HAVCR1: variants seen among roughly 807,000 people sequenced by gnomAD.
The protein encoded by HAVCR1 is hepatitis A virus cellular receptor 1.
Under a neutral mutation model 32.0 loss-of-function variants are expected in HAVCR1, and 34 were observed. That is an observed-to-expected ratio of 1.06 (90% CI 0.81 to 1.42). The LOEUF (loss-of-function observed/expected upper bound fraction) is 1.42. HAVCR1 is among the 40% of genes most tolerant of loss of function. The pLI is 0.00. For missense variants in HAVCR1, 420 were observed against 442.3 expected (o/e 0.95, Z 0.45); for synonymous variants, 178 against 170.3 (o/e 1.05, Z -0.35).
chr5:157,040,110 C>T (rs80018417), intron 6 of HAVCR1, among the ~76,000 whole-genome samples: 1 of 152,118 alleles, frequency 6.6e-6, no homozygotes, highest in Non-Finnish European at 1.5e-5. Flanking sequence ...ACCAGCCTGA[C>T]CAACATGGAA....
chr5:157,066,055 T>TAAAAAA, the HAVCR1 span, among the ~76,000 whole-genome samples: 1,005 of 66,788 alleles, frequency 0.015, 40 homozygotes, highest in African/African-American at 0.02. Context: ...GACTCCGTCT[T>TAAAAAA]AAAAAAAAAA....
chr5:157,042,830 A>G, intron 5 of HAVCR1, 148 bp from the exon 6 acceptor site: 1 of 534,968 alleles, frequency 1.9e-6, no homozygotes, highest in East Asian at 3.1e-5. Flanking sequence ...AGTCATACCA[A>G]GTTATTAATG....
intron 3 of HAVCR1, among the ~76,000 whole-genome samples, chr5:157,053,426 C>T (rs1235344197): frequency 6.6e-6 from 1 of 150,386 alleles, no homozygotes. Context: ...CTTGCTCACC[C>T]TTATAAGGGA....
At chr5:157,030,015 G>A (rs1271635559) in intron 8 of HAVCR1, among the ~76,000 whole-genome samples, 174 bp from the exon 9 acceptor site, 1 of 152,004 alleles carries the variant, frequency 6.6e-6, no homozygotes, top group Non-Finnish European at 1.5e-5. Flanking sequence ...AAAAGGTGTG[G>A]CTCTTATTAT....
chr5:157,038,680 T>C (rs1469520802), intron 6 of HAVCR1, among the ~76,000 whole-genome samples: 1 of 152,218 alleles, frequency 6.6e-6, no homozygotes, highest in Non-Finnish European at 1.5e-5. Context: ...TATGTTGTTA[T>C]TACTTTACCT....
chr5:157,056,392 T>G (rs1205361657), intron 2 of HAVCR1, among the ~76,000 whole-genome samples: 1 of 151,804 alleles, frequency 6.6e-6, no homozygotes, highest in Non-Finnish European at 1.5e-5. Context: ...CTTCTTTTTT[T>G]TTTTTGAGAC....
In HAVCR1 at chr5:157,036,898, GT is replaced by G. The variant is rs151088275; in HGVS notation, c.952+348del. On this transcript the variant is annotated intron_variant, in intron 7 of 8. Coordinates refer to ENST00000523175, the MANE Select transcript of HAVCR1 (RefSeq NM_001173393.3). ...TGTTTTGCTTTTTTGTTTTGTTTTT[GT>G]TTTTTTTTAAGAAATGGGGTCCCAC... 5.4e-3 allele frequency among the ~76,000 whole-genome samples: 780 copies of G among 145,402 alleles called. 8 individuals are homozygous for G. Among genetic ancestry groups the G allele is most frequent in the African/African-American group, 0.016 (644 of 39,464 alleles).
At chr5:157,056,254 A>G (rs1366590456) in intron 2 of HAVCR1, among the ~76,000 whole-genome samples, 3 of 151,650 alleles carry the variant, frequency 2.0e-5, no homozygotes, top group Non-Finnish European at 4.4e-5. Flanking sequence ...TATAGCTGGA[A>G]GGTTTTTCCC....
At chr5:157,062,802 G>T (rs1756516308), upstream of HAVCR1, among the ~76,000 whole-genome samples, 1 of 151,348 alleles carries the variant, frequency 6.6e-6, no homozygotes, top group Non-Finnish European at 1.5e-5. Context: ...AAAATTACAG[G>T]GTACCACCTA....
At chr5:157,037,938 G>A (rs1233194251) in intron 6 of HAVCR1, among the ~76,000 whole-genome samples, 1 of 151,916 alleles carries the variant, frequency 6.6e-6, no homozygotes, top group African/African-American at 2.4e-5. Context: ...GCTTGAACCC[G>A]GGAGGTTGCA....
intron 2 of HAVCR1, among the ~76,000 whole-genome samples, chr5:157,057,275 C>T (rs1037539750): frequency 4.0e-5 from 6 of 150,830 alleles, no homozygotes; most frequent in African/African-American, 9.8e-5. Context: ...GAGATCACGC[C>T]ACTGAACTCT....
At position 157,055,342 on chromosome 5, in the gene HAVCR1, A is replaced by G. The variant is rs750595548; in HGVS notation, c.238T>C (p.Leu80=). ...TYRKDTRYKL[L]GDLSRRDVSL... ...ACATCCCTTCTTGAAAGGTCCCCCAATAGCTTATAGCGTGTGTCCTTCCGA... is the reference window on the plus strand; with the variant it reads ...ACATCCCTTCTTGAAAGGTCCCCCAGTAGCTTATAGCGTGTGTCCTTCCGA... Residue 80 remains leucine, a synonymous_variant, in exon 3 of 9, where the codon TTG becomes CTG. Transcript: ENST00000523175. 24 of 1,613,320 alleles carry G rather than the reference A, an allele frequency of 1.5e-5. No homozygotes were observed. Among genetic ancestry groups the G allele is most frequent in the Admixed American group, 5.0e-5 (3 of 59,990 alleles).
intron 5 of HAVCR1, among the ~76,000 whole-genome samples, chr5:157,046,110 C>A (rs1236728284): frequency 6.6e-6 from 1 of 152,184 alleles, no homozygotes; most frequent in African/African-American, 2.4e-5. Context: ...GAATGAGTCC[C>A]TCTGTGAATC....
chr5:157,045,483 A>G (rs189673661), intron 5 of HAVCR1, among the ~76,000 whole-genome samples: 2 of 152,252 alleles, frequency 1.3e-5, no homozygotes, highest in East Asian at 1.9e-4. Context: ...TCCAAATATC[A>G]TATACTCTAA....
chr5:157,042,384 G>C (rs1336794235), intron 6 of HAVCR1, among the ~76,000 whole-genome samples: 1 of 147,534 alleles, frequency 6.8e-6, no homozygotes, highest in Non-Finnish European at 1.5e-5. Context: ...GGAGCTTACA[G>C]TGAGCAGAGA....
chr5:157,054,041 G>A (rs1164694590), intron 3 of HAVCR1, among the ~76,000 whole-genome samples: 5 of 144,982 alleles, frequency 3.4e-5, no homozygotes, highest in Non-Finnish European at 6.0e-5. Context: ...AAAATTAGCC[G>A]GGCATGGTGA....
At chr5:157,064,920 G>A in the HAVCR1 span, among the ~76,000 whole-genome samples, 1 of 152,136 alleles carries the variant, frequency 6.6e-6, no homozygotes, top group Non-Finnish European at 1.5e-5. Flanking sequence ...GGTTTTAGAG[G>A]AAATATTCAG....
At chr5:157,039,056 T>C (rs1754710845) in intron 6 of HAVCR1, among the ~76,000 whole-genome samples, 2 of 152,018 alleles carry the variant, frequency 1.3e-5, no homozygotes, top group African/African-American at 4.8e-5. Flanking sequence ...GGAGGATGAG[T>C]CTGCAGTGAG....
chr5:157,044,601 A>AAG (rs1474262053), intron 5 of HAVCR1, among the ~76,000 whole-genome samples: 1,925 of 88,726 alleles, frequency 0.022, 65 homozygotes, highest in African/African-American at 0.11. Flanking sequence ...GAAAGAAAGA[A>AAG]AGAAAGAAAG....
Sources: allele counts gnomAD v4.1 joint callset (sites outside exome capture counted in the v4.1 genomes callset), GRCh38; gene constraint gnomAD v4.1.1; transcripts MANE v1.5; gene names NCBI Gene and HGNC (gene_info 2026-07-23, HGNC 2026-07-21).